The following TCF12 variants were observed in gnomAD, a reference collection of about 807,000 sequenced individuals.
The protein encoded by TCF12 is DNA-binding protein HTF4.
In TCF12, 45 loss-of-function variants were observed where a neutral mutation model predicts 86.0. That is an observed-to-expected ratio of 0.52 (90% CI 0.41 to 0.67). The LOEUF is 0.67. Among genes scored for constraint, TCF12 ranks in the 30% least tolerant of loss-of-function variants. The pLI, the probability that TCF12 is intolerant of heterozygous loss-of-function variation, is 0.00. For synonymous variants in TCF12, 330 were observed against 299.6 expected (o/e 1.10, Z -1.05); for missense variants, 881 against 859.9 (o/e 1.02, Z -0.31).
intron 5 of TCF12, among the ~76,000 whole-genome samples, chr15:57,106,674 C>T (rs1258112225): frequency 6.6e-6 from 1 of 152,122 alleles, no homozygotes; most frequent in Non-Finnish European, 1.5e-5. Flanking sequence ...AGACATGTCT[C>T]ATAAAGGACT....
chr15:57,029,688 A>G (rs1453662661), intron 3 of TCF12, among the ~76,000 whole-genome samples: 1 of 152,218 alleles, frequency 6.6e-6, no homozygotes, highest in Admixed American at 6.5e-5. Context: ...CAAGATATAT[A>G]TAGTTCTGTT....
chr15:57,164,808 G>A (rs2054753918), intron 5 of TCF12, among the ~76,000 whole-genome samples: 1 of 152,152 alleles, frequency 6.6e-6, no homozygotes, highest in Non-Finnish European at 1.5e-5. Flanking sequence ...AGCTTCTCGA[G>A]TAGCTGGGCT....
Position 57,007,782 on chromosome 15 carries a change from CTT to C in TCF12, c.149-55966_149-55965del, listed in dbSNP as rs1311002701. Reference sequence around the variant, plus strand: ...TCTTTCTTTCTTTCTTTCTTTCTTTCTTTCTTTCTCTCTTTCTTTCTTTCTTT... The same window carrying C: ...TCTTTCTTTCTTTCTTTCTTTCTTTCTCTTTCTCTCTTTCTTTCTTTCTTT... On this transcript the variant is annotated intron_variant, in intron 3 of 20. Transcript: ENST00000333725. 4.4e-3 allele frequency among the ~76,000 whole-genome samples: 155 copies of C among 35,308 alleles called. 1 individual carries two copies. The highest frequency in any genetic ancestry group is 0.011 in the African/African-American group (151 of 13,250). 23.2% of individuals were successfully genotyped at this position (35,308 alleles called of 152,430 possible).
intron 3 of TCF12, among the ~76,000 whole-genome samples, chr15:56,931,809 T>G (rs890513537): frequency 3.3e-5 from 5 of 152,192 alleles, no homozygotes; most frequent in Non-Finnish European, 7.3e-5. Flanking sequence ...TGTAATAAAC[T>G]AGTTTGCTGT....
chr15:57,192,755 C>A (rs2057051133), intron 7 of TCF12, among the ~76,000 whole-genome samples: 1 of 152,098 alleles, frequency 6.6e-6, no homozygotes, highest in South Asian at 2.1e-4. Context: ...GGCTTATTTG[C>A]ACAAGAATAA....
At chr15:57,155,135 T>A (rs2059538123) in intron 5 of TCF12, among the ~76,000 whole-genome samples, 1 of 152,166 alleles carries the variant, frequency 6.6e-6, no homozygotes, top group South Asian at 2.1e-4. Context: ...TTCATTACCA[T>A]TACCCCATGC....
chr15:57,134,271 A>G (rs1177346798), intron 5 of TCF12: 1 of 152,278 alleles, frequency 6.6e-6, no homozygotes, highest in African/African-American at 2.4e-5. Context: ...ATAATCAATG[A>G]CATTTCAACA....
chr15:57,211,024 A>C (rs1670137894), intron 8 of TCF12, among the ~76,000 whole-genome samples: 1 of 152,232 alleles, frequency 6.6e-6, no homozygotes, highest in African/African-American at 2.4e-5. Context: ...CTAAAATTAT[A>C]ACAAAGCCAT....
intron 6 of TCF12, among the ~76,000 whole-genome samples, chr15:57,168,187 A>G (rs2055041009): frequency 6.6e-6 from 1 of 152,236 alleles, no homozygotes; most frequent in African/African-American, 2.4e-5. Flanking sequence ...ATGGCCATCA[A>G]GGAAGTATTT....
chr15:57,062,958 A>G (rs2703576), intron 3 of TCF12, among the ~76,000 whole-genome samples: 86,809 of 151,912 alleles, frequency 0.57, 25,019 homozygotes, highest in Admixed American at 0.61. Flanking sequence ...TGGCTGGATT[A>G]AGAGATCTCC....
intron 3 of TCF12, among the ~76,000 whole-genome samples, chr15:57,058,067 G>A (rs2068167628): frequency 6.6e-6 from 1 of 152,128 alleles, no homozygotes; most frequent in African/African-American, 2.4e-5. Context: ...GCCTTTGTCA[G>A]TCTTGGAATG....
chr15:57,073,514 G>A (rs1056176816), intron 4 of TCF12, among the ~76,000 whole-genome samples: 8 of 152,024 alleles, frequency 5.3e-5, no homozygotes, highest in Non-Finnish European at 7.4e-5. Context: ...ATCTTCACAC[G>A]AGCTCACCAA....
intron 4 of TCF12, among the ~76,000 whole-genome samples, chr15:57,071,115 T>C (rs1226381327): frequency 2.0e-5 from 3 of 151,986 alleles, no homozygotes; most frequent in African/African-American, 7.3e-5. Context: ...GCCTAAAGAG[T>C]TACTTTTTAG....
chr15:57,172,801 TG>T (rs1429727712), intron 6 of TCF12, among the ~76,000 whole-genome samples: 1 of 151,976 alleles, frequency 6.6e-6, no homozygotes, highest in Non-Finnish European at 1.5e-5. Context: ...AAAGCAAAGT[TG>T]TATTAGAAGT....
At chr15:57,234,134 T>C in intron 12 of TCF12, 27 bp downstream of exon 12, 6 of 1,582,642 alleles carry the variant, frequency 3.8e-6, no homozygotes, top group Non-Finnish European at 5.2e-6. Context: ...CACATTCTAC[T>C]GAATGAATTT....
At position 56,918,697 on chromosome 15, in the gene TCF12, G is replaced by A. The variant is rs552189182; in HGVS notation, c.-232G>A. The A allele has an allele frequency of 1.6e-5, 3 of 187,404 alleles. No individual in the cohort carries two copies. The South Asian group carries it at 2.5e-4, about 15-fold the overall frequency. The allele number at this position is 187,404 out of a possible 1,614,324, so 11.6% of individuals were successfully genotyped here. On this transcript the variant is annotated 5_prime_UTR_variant, in exon 1 of 21. Coordinates refer to ENST00000333725, the MANE Select transcript of TCF12 (RefSeq NM_207037.2). The stretch of plus-strand genomic sequence containing the variant: ...AGCGAAAAAAATGTCCGCCTGAAGA[G>A]ACCCACAAGTTCTATTCGGGGGGAC...
intron 16 of TCF12, among the ~76,000 whole-genome samples, chr15:57,253,882 A>T (rs1445094573): frequency 6.6e-6 from 1 of 152,232 alleles, no homozygotes; most frequent in Admixed American, 6.5e-5. Context: ...TTTAAACTTT[A>T]TTCCCGAACT....
chr15:57,180,553 C>CA (rs2056264839), intron 6 of TCF12, among the ~76,000 whole-genome samples: 2 of 151,722 alleles, frequency 1.3e-5, no homozygotes. Context: ...CTCCCTCCCC[C>CA]AAAAAATAAA....
In TCF12 at chr15:56,947,297, C is replaced by CTG. The variant is rs150330761; in HGVS notation, c.148+26212_148+26213dup. Among the ~76,000 whole-genome samples, 11 of 151,692 alleles carry CTG rather than the reference C, an allele frequency of 7.3e-5. 1 individual carries two copies. The East Asian group carries it at 1.2e-3, about 16-fold the overall frequency. On this transcript the variant is annotated intron_variant, in intron 3 of 20. Coordinates refer to ENST00000333725, the MANE Select transcript of TCF12 (RefSeq NM_207037.2). ...TTTCGCCTGCCATTGTGGAGTTTTA[C>CTG]TGTGTGTGTGTGTGATTTGCTCTTA...
Sources: gnomAD v4.1 joint callset for allele counts (sites outside exome capture counted in the v4.1 genomes callset) on GRCh38, gnomAD v4.1.1 for gene constraint, MANE v1.5 for transcripts, NCBI Gene and HGNC (gene_info 2026-07-23, HGNC 2026-07-21) for gene names.